Variants in BPTF observed in about 807,000 individuals in gnomAD.
The protein encoded by BPTF is bromodomain PHD finger transcription factor.
BPTF carries 18 observed loss-of-function variants against 292.5 expected under a neutral mutation model. That is an observed-to-expected ratio of 0.06 (90% CI 0.04 to 0.09). The LOEUF (loss-of-function observed/expected upper bound fraction) is 0.09. Ranked by LOEUF, BPTF falls within the 10% of genes least tolerant of loss-of-function variation. The probability of loss-of-function intolerance (pLI) is 1.00; values close to 1 mark genes in which losing one functional copy is unlikely to be tolerated. For missense variants in BPTF, 2,726 were observed against 3,498.7 expected (o/e 0.78, Z 5.57); for synonymous variants, 1,225 against 1,251.9 (o/e 0.98, Z 0.45).
chr17:67,928,057 T>C (rs2064066213), intron 15 of BPTF, among the ~76,000 whole-genome samples: 1 of 152,064 alleles, frequency 6.6e-6, no homozygotes, highest in South Asian at 2.1e-4. Context: ...CTCATTTTTG[T>C]ATTTTTAGTA....
In BPTF at chr17:67,922,916, T is replaced by C. The variant is rs1335369779; in HGVS notation, c.5634T>C (p.Thr1878=). The C allele has an allele frequency of 1.9e-5, 31 of 1,614,144 alleles. No homozygotes were observed. Among genetic ancestry groups the C allele is most frequent in the Non-Finnish European group, 2.5e-5 (29 of 1,180,022 alleles). Residue 1878 remains threonine, a synonymous_variant, in exon 14 of 28, where the codon ACT becomes ACC. Transcript: ENST00000306378. ...RPKRPETPKQ[T]GPVIIETWVA... ...AGAGACCAGAAACGCCCAAGCAAAC[T>C]GGCCCTGTTATTATTGAAACCTGGG...
At position 67,975,756 on chromosome 17, in the gene BPTF, A is replaced by G. The variant is rs781952245; in HGVS notation, c.8540-16A>G. ...CCTTAAAGCTCTGAAAATGTTTTAC[A>G]TTTTGTGTTTTTAAGACCTTGCCAC... On this transcript the variant is annotated splice_polypyrimidine_tract_variant and intron_variant, in intron 26 of 27. Transcript: ENST00000306378. The G allele has an allele frequency of 4.4e-5, 70 of 1,593,862 alleles. 1 individual carries two copies. The South Asian group carries it at 7.3e-4, about 17-fold the overall frequency.
intron 7 of BPTF, among the ~76,000 whole-genome samples, chr17:67,900,880 T>C (rs1226173699): frequency 6.6e-6 from 1 of 151,782 alleles, no homozygotes; most frequent in East Asian, 1.9e-4. Flanking sequence ...ATGGTCTTGC[T>C]TGCCTGTAAT....
chr17:67,846,913 C>G (rs2058069993), intron 1 of BPTF, among the ~76,000 whole-genome samples: 1 of 152,122 alleles, frequency 6.6e-6, no homozygotes, highest in Non-Finnish European at 1.5e-5. Context: ...GTTGGCCAGG[C>G]TGGTCCTAAA....
At position 67,903,885 on chromosome 17, in the gene BPTF, A is replaced by G. The variant is rs373955177; in HGVS notation, c.2640A>G (p.Thr880=). ...QEEEETMQQA[T]WVKYTFPVKH... The stretch of plus-strand genomic sequence containing the variant: ...AAGAAGAAACGATGCAGCAAGCGAC[A>G]TGGGTAAAATACACATTTCCAGTTA... The change falls in exon 8 of 28, where the codon ACA becomes ACG. Residue 880 remains threonine (T), a synonymous_variant. Coordinates refer to ENST00000306378, the MANE Select transcript of BPTF (RefSeq NM_182641.4). 72 of 1,592,450 alleles carry G rather than the reference A, an allele frequency of 4.5e-5. No homozygotes were observed. Among genetic ancestry groups the G allele is most frequent in the Non-Finnish European group, 6.0e-5 (70 of 1,174,460 alleles).
At chr17:67,832,694 G>A (rs1442253620) in intron 1 of BPTF, among the ~76,000 whole-genome samples, 1 of 150,904 alleles carries the variant, frequency 6.6e-6, no homozygotes, top group Non-Finnish European at 1.5e-5. Context: ...AAAGAAGCCC[G>A]CACCGTCAGC....
At chr17:67,835,689 G>A (rs1350418146) in intron 1 of BPTF, among the ~76,000 whole-genome samples, 4 of 147,464 alleles carry the variant, frequency 2.7e-5, no homozygotes, top group East Asian at 2.0e-4. Context: ...TTTTTGAGAC[G>A]GAGTCTCGCT....
At chr17:67,969,105 C>G (rs1437308663) in intron 26 of BPTF, among the ~76,000 whole-genome samples, 1 of 151,224 alleles carries the variant, frequency 6.6e-6, no homozygotes, top group African/African-American at 2.5e-5. Flanking sequence ...AGTTCAAGAC[C>G]AGCCTGGACA....
intron 7 of BPTF, among the ~76,000 whole-genome samples, chr17:67,899,196 A>G (rs151328789): frequency 9.5e-4 from 145 of 152,314 alleles, no homozygotes; most frequent in African/African-American, 3.2e-3. Flanking sequence ...ATGGCAGCCT[A>G]CCCACAAAGG....
At chr17:67,971,847 GA>G (rs2068799485) in intron 26 of BPTF, among the ~76,000 whole-genome samples, 1 of 149,554 alleles carries the variant, frequency 6.7e-6, no homozygotes, top group Middle Eastern at 3.2e-3. Context: ...AAAAAAAAGA[GA>G]AGAAAAAAAT....
At chr17:67,853,595 T>TTTATTA (rs138011827) in intron 1 of BPTF, among the ~76,000 whole-genome samples, 70 of 151,222 alleles carry the variant, frequency 4.6e-4, no homozygotes, top group African/African-American at 1.5e-3. Context: ...AATGCAGTTA[T>TTTATTA]TTATTATTAT....
chr17:67,919,888 GT>G, intron 12 of BPTF, 126 bp from the exon 13 acceptor site: 1 of 811,200 alleles, frequency 1.2e-6, no homozygotes, highest in Non-Finnish European at 1.9e-6. Flanking sequence ...TAGTGATCCT[GT>G]TAATTAAGTC....
chr17:67,840,533 C>T (rs1567873384), intron 1 of BPTF, among the ~76,000 whole-genome samples: 1 of 151,470 alleles, frequency 6.6e-6, no homozygotes, highest in South Asian at 2.1e-4. Context: ...CCTTTTCCTC[C>T]TCTCCTTCTC....
chr17:67,940,698 A>G, intron 19 of BPTF, 42 bp downstream of exon 19: 1 of 1,564,254 alleles, frequency 6.4e-7, no homozygotes, highest in South Asian at 1.1e-5. Flanking sequence ...AGGTGATCTT[A>G]TTTATTCTTG....
At chr17:67,966,420 C>CTT (rs748023574) in intron 25 of BPTF, 152 bp from the exon 26 acceptor site, 471 of 536,934 alleles carry the variant, frequency 8.8e-4, no homozygotes, top group Non-Finnish European at 1.4e-3. Flanking sequence ...TCTTAGGTAA[C>CTT]TATTACTAGA....
intron 1 of BPTF, among the ~76,000 whole-genome samples, chr17:67,826,876 G>A (rs2056118902): frequency 6.6e-6 from 1 of 152,162 alleles, no homozygotes; most frequent in South Asian, 2.1e-4. Context: ...CCCTAGCTGT[G>A]GTTTTAAAAT....
At chr17:67,981,866 A>AACAC (rs60203396) in intron 27 of BPTF, 8,814 of 133,808 alleles carry the variant, frequency 0.066, 341 homozygotes, top group South Asian at 0.084. Context: ...AATGTAAATA[A>AACAC]ACACACACAC....
In BPTF at chr17:67,973,173, G is replaced by GACC. The variant is rs2068987313; in HGVS notation, c.8540-2597_8540-2595dup. On this transcript the variant is annotated intron_variant, in intron 26 of 27. Transcript: ENST00000306378. ...GAGGATCACGAGGTCAGGAGATTGA[G>GACC]ACCATCCTGGCTAACACGGTGAAAC... Among the ~76,000 whole-genome samples, 3 of 149,586 alleles carry GACC rather than the reference G, an allele frequency of 2.0e-5. No individual in the cohort carries two copies. The Admixed American group carries it at 2.0e-4, about 10-fold the overall frequency.
At chr17:67,973,065 T>A (rs938334592) in intron 26 of BPTF, among the ~76,000 whole-genome samples, 3 of 144,544 alleles carry the variant, frequency 2.1e-5, no homozygotes, top group Admixed American at 7.1e-5. Context: ...TATATATATA[T>A]AAATATATAT....
Sources: gnomAD v4.1 joint callset for allele counts (sites outside exome capture counted in the v4.1 genomes callset) on GRCh38, gnomAD v4.1.1 for gene constraint, MANE v1.5 for transcripts, NCBI Gene and HGNC (gene_info 2026-07-23, HGNC 2026-07-21) for gene names.